Variants in TBC1D9 observed in about 807,000 individuals in gnomAD.
TBC1D9 encodes TBC1 domain family member 9A.
TBC1D9 carries 63 observed loss-of-function variants against 132.0 expected under a neutral mutation model. The ratio of observed to expected loss-of-function variants is 0.48; its 90% CI spans 0.39 to 0.59. The LOEUF is 0.59. Among genes scored for constraint, TBC1D9 ranks in the 20% least tolerant of loss-of-function variants. The pLI is 0.00. For missense variants in TBC1D9, 1,261 were observed against 1,592.7 expected (o/e 0.79, Z 3.54); for synonymous variants, 610 against 609.9 (o/e 1.00, Z 0.00).
intron 13 of TBC1D9, chr4:140,643,341 T>C (rs1252900307): frequency 1.5e-6 from 2 of 1,333,054 alleles, no homozygotes; most frequent in Non-Finnish European, 2.1e-6. Flanking sequence ...CTCCAAGGCC[T>C]GGACTCCAGT....
chr4:140,698,465 T>G (rs1199284069), intron 2 of TBC1D9, among the ~76,000 whole-genome samples: 1 of 152,124 alleles, frequency 6.6e-6, no homozygotes, highest in Non-Finnish European at 1.5e-5. Context: ...AAAGACATAA[T>G]TATGGCCTGG....
intron 13 of TBC1D9, among the ~76,000 whole-genome samples, chr4:140,646,064 G>A (rs552581476): frequency 7.7e-4 from 117 of 152,282 alleles, no homozygotes; most frequent in Non-Finnish European, 1.5e-3. Flanking sequence ...CTATGGCAGA[G>A]ACTGTGTGAC....
At chr4:140,664,054 A>G (rs1185802068) in intron 9 of TBC1D9, among the ~76,000 whole-genome samples, 1 of 151,496 alleles carries the variant, frequency 6.6e-6, no homozygotes, top group East Asian at 1.9e-4. Flanking sequence ...AAAAAAAAAA[A>G]AACAAGAAAA....
chr4:140,639,071 T>C lies in TBC1D9; in HGVS notation c.2505+15A>G. 1 of 1,571,050 alleles carries C rather than the reference T, an allele frequency of 6.4e-7. No homozygotes were observed. Among genetic ancestry groups the C allele is most frequent in the Non-Finnish European group, 8.7e-7 (1 of 1,155,538 alleles). On this transcript the variant is annotated intron_variant, in intron 15 of 20. Transcript: ENST00000442267. The stretch of plus-strand genomic sequence containing the variant: ...TTACTCCTTTGAATGGGCATGAATT[T>C]ACCTTGCAACTCACCTTGAAAAGAG...
intron 13 of TBC1D9, among the ~76,000 whole-genome samples, chr4:140,641,557 C>T (rs944775450): frequency 1.3e-5 from 2 of 151,852 alleles, no homozygotes; most frequent in Non-Finnish European, 2.9e-5. Flanking sequence ...CCCACTGGGC[C>T]CGTGCCCAAA....
rs1015746825 is a variant in TBC1D9, at chr4:140,657,919, T to C, written c.1922-107A>G. On this transcript the variant is annotated intron_variant, in intron 11 of 20. Coordinates refer to ENST00000442267, the MANE Select transcript of TBC1D9 (RefSeq NM_015130.3). ...GCTAGCACAGGACTCTGTTCCTTTCTGCTGACTGTTCTGCTGTGACTGTTA... is the reference window on the plus strand; with the variant it reads ...GCTAGCACAGGACTCTGTTCCTTTCCGCTGACTGTTCTGCTGTGACTGTTA... The C allele has an allele frequency of 1.0e-5, 13 of 1,276,022 alleles. No individual in the cohort carries two copies. In the African/African-American group the frequency reaches 1.0e-4, roughly 10 times the overall value. The allele number at this position is 1,276,022 out of a possible 1,614,324, so 79.0% of individuals were successfully genotyped here.
chr4:140,687,122 A>G (rs980664655), intron 2 of TBC1D9, among the ~76,000 whole-genome samples: 4 of 151,554 alleles, frequency 2.6e-5, no homozygotes, highest in Non-Finnish European at 5.9e-5. Flanking sequence ...GCAACCTCCA[A>G]ACTTAAACAA....
chr4:140,710,972 GA>G (rs1323063430), intron 1 of TBC1D9, among the ~76,000 whole-genome samples: 8 of 152,184 alleles, frequency 5.3e-5, no homozygotes, highest in African/African-American at 1.4e-4. Flanking sequence ...AGCTGGCCTT[GA>G]AACCCCAGCA....
chr4:140,699,054 TCCTAC>T (rs965848626), intron 2 of TBC1D9, among the ~76,000 whole-genome samples: 22 of 152,228 alleles, frequency 1.4e-4, no homozygotes, highest in African/African-American at 5.1e-4. Flanking sequence ...GCACAGCACT[TCCTAC>T]CAAGTAAAGA....
At chr4:140,722,299 C>G (rs1291455171) in intron 1 of TBC1D9, among the ~76,000 whole-genome samples, 1 of 152,166 alleles carries the variant, frequency 6.6e-6, no homozygotes, top group Non-Finnish European at 1.5e-5. Context: ...TAAAGAGAAG[C>G]AGCAATGTAA....
chr4:140,691,244 C>T (rs1737874796), intron 2 of TBC1D9, among the ~76,000 whole-genome samples: 1 of 152,170 alleles, frequency 6.6e-6, no homozygotes, highest in Non-Finnish European at 1.5e-5. Context: ...GTCCAAGTTA[C>T]CTCTCAGAGA....
intron 13 of TBC1D9, among the ~76,000 whole-genome samples, chr4:140,649,368 G>T (rs11947347): frequency 0.021 from 3,270 of 152,286 alleles, 96 homozygotes; most frequent in African/African-American, 0.072. Flanking sequence ...GAATTTGTGG[G>T]GTTATTTTCC....
chr4:140,707,592 G>C (rs1207865445), intron 1 of TBC1D9, among the ~76,000 whole-genome samples: 2 of 152,134 alleles, frequency 1.3e-5, no homozygotes, highest in Non-Finnish European at 2.9e-5. Context: ...ACATTCTCTA[G>C]AAGTCTTAAC....
At chr4:140,649,563 A>T (rs17006229) in intron 13 of TBC1D9, among the ~76,000 whole-genome samples, 19,878 of 152,170 alleles carry the variant, frequency 0.13, 1,611 homozygotes, top group East Asian at 0.22. Flanking sequence ...AAAGCCTAAC[A>T]TTACAGGAGG....
intron 1 of TBC1D9, among the ~76,000 whole-genome samples, chr4:140,725,308 C>T: frequency 6.6e-6 from 1 of 152,110 alleles, no homozygotes; most frequent in Non-Finnish European, 1.5e-5. Context: ...ACAGCAATAA[C>T]TTAAGCATAC....
intron 6 of TBC1D9, among the ~76,000 whole-genome samples, chr4:140,673,882 G>A (rs1737581355): frequency 6.6e-6 from 1 of 152,154 alleles, no homozygotes; most frequent in Non-Finnish European, 1.5e-5. Flanking sequence ...AATGTAAACA[G>A]AGCTAGTTGG....
Position 140,706,194 on chromosome 4 carries a change from T to C in TBC1D9, c.131-4580A>G, listed in dbSNP as rs749522110. Among the ~76,000 whole-genome samples the C allele has an allele frequency of 3.3e-5, 5 of 152,150 alleles. No individual in the cohort carries two copies. Among genetic ancestry groups the C allele is most frequent in the Non-Finnish European group, 7.4e-5 (5 of 68,014 alleles). ...GAAATGTGCTCATGGAAATGATCGA[T>C]CCATCTACTGATGATCAGGGCTAAA... On this transcript the variant is annotated intron_variant, in intron 1 of 20. Coordinates refer to ENST00000442267, the MANE Select transcript of TBC1D9 (RefSeq NM_015130.3). This position sits in a 1 kb window ranked among gnomAD's most constrained non-coding sequence, Gnocchi z 4.0.
chr4:140,737,985 G>GA (rs1738701450), intron 1 of TBC1D9, among the ~76,000 whole-genome samples: 1 of 152,054 alleles, frequency 6.6e-6, no homozygotes, highest in African/African-American at 2.4e-5. Context: ...ACTGCTAAAA[G>GA]AAAAAATCGA....
chr4:140,747,267 G>A (rs929930792), intron 1 of TBC1D9, among the ~76,000 whole-genome samples: 4 of 151,760 alleles, frequency 2.6e-5, no homozygotes, highest in Admixed American at 6.6e-5. Context: ...TAGGAGAATC[G>A]CTTGAACTCA....
Sources: allele counts gnomAD v4.1 joint callset (sites outside exome capture counted in the v4.1 genomes callset), GRCh38; gene constraint gnomAD v4.1.1; non-coding constraint Gnocchi (gnomAD v3.1); transcripts MANE v1.5; gene names NCBI Gene and HGNC (gene_info 2026-07-23, HGNC 2026-07-21).